FGF13: variants seen among roughly 807,000 people sequenced by gnomAD.
FGF13 encodes the protein fibroblast growth factor 13.
FGF13 carries 2 observed loss-of-function variants against 19.5 expected under a neutral mutation model. The ratio of observed to expected loss-of-function variants is 0.10; its 90% CI spans 0.04 to 0.32. The LOEUF (loss-of-function observed/expected upper bound fraction) is 0.32. FGF13 is among the 10% of genes least tolerant of loss of function. The pLI, the probability that FGF13 is intolerant of heterozygous loss-of-function variation, is 1.00. For synonymous variants in FGF13, 72 were observed against 76.9 expected (o/e 0.94, Z 0.33); for missense variants, 113 against 192.7 (o/e 0.59, Z 2.45).
chrX:139,063,605 A>G (rs1487504766), intron 1 of FGF13, among the ~76,000 whole-genome samples: 1 of 111,500 alleles, frequency 9.0e-6, no homozygotes, highest in African/African-American at 3.3e-5. Context: ...CGAAATTTAT[A>G]GAGTGTTTTA....
rs760864896 is a variant in FGF13 at position 139,141,964 on chromosome X, C to T, written c.-113+61452G>A. 2.7e-5 allele frequency among the ~76,000 whole-genome samples: 3 copies of T among 111,680 alleles called. No homozygotes were observed. The East Asian group carries it at 8.5e-4, about 32-fold the overall frequency. On this transcript the variant is annotated intron_variant, in intron 1 of 2. Coordinates refer to the FGF13 transcript ENST00000421460. ...GGTTTTGTGTGCCCTAGGACCCACA[C>T]ACTGATTAGCCTAAGAAGCCGAAAA...
intron 1 of FGF13, among the ~76,000 whole-genome samples, chrX:139,151,154 T>G: frequency 9.0e-6 from 1 of 111,448 alleles, no homozygotes. Flanking sequence ...GAGCTCAACC[T>G]TACCCAACAA....
At chrX:138,663,054 G>C (rs1420611311) in intron 3 of FGF13, among the ~76,000 whole-genome samples, 5 of 111,136 alleles carry the variant, frequency 4.5e-5, no homozygotes, top group African/African-American at 1.6e-4. Context: ...TGGACTAATG[G>C]AAAGAAAGAA....
Position 138,738,432 on chromosome X carries a change from A to C in FGF13, c.28+810T>G, listed in dbSNP as rs2090296090. Among the ~76,000 whole-genome samples the C allele has an allele frequency of 2.7e-5, 3 of 111,971 alleles. No homozygotes were observed. The Admixed American group carries it at 2.8e-4, about 11-fold the overall frequency. ...AGATTGGCAAAACCATTTTTTTATT[A>C]GTTACATGTAAAAACTTCCCATTAA... On this transcript the variant is annotated intron_variant, in intron 1 of 4. Transcript: ENST00000305414.
At chrX:138,846,932 G>T (rs939973669) in intron 3 of FGF13, among the ~76,000 whole-genome samples, 2 of 111,522 alleles carry the variant, frequency 1.8e-5, no homozygotes, top group African/African-American at 6.5e-5. Flanking sequence ...TTTGAGTGCT[G>T]CACTCTACCT....
chrX:138,692,021 G>A (rs1270721930), intron 3 of FGF13, among the ~76,000 whole-genome samples: 2 of 111,539 alleles, frequency 1.8e-5, no homozygotes, highest in Non-Finnish European at 3.8e-5. Flanking sequence ...AAGTGGTGTA[G>A]TCACTGAAAC....
At chrX:138,741,716 T>C (rs1403789362), upstream of FGF13, among the ~76,000 whole-genome samples, 2 of 111,646 alleles carry the variant, frequency 1.8e-5, no homozygotes, top group Non-Finnish European at 3.8e-5. Context: ...TGGAAGCAAG[T>C]GTCTTGTTCT....
rs146873090 is a variant in FGF13, at chrX:139,006,813, C to A, written c.-112-142163G>T. Among the ~76,000 whole-genome samples the A allele has an allele frequency of 9.4e-3, 1,044 of 111,117 alleles. 10 individuals carry two copies. The highest frequency in any genetic ancestry group is 0.032 in the African/African-American group (970 of 30,619). ...GGTTAAAGACAGTATTGACAAGCCG[C>A]ATGGTAACCCCAAATCAAAAAACAT... On this transcript the variant is annotated intron_variant, in intron 1 of 2. Transcript: ENST00000421460.
chrX:138,685,550 C>T (rs2089773206), intron 3 of FGF13, among the ~76,000 whole-genome samples: 1 of 111,299 alleles, frequency 9.0e-6, no homozygotes, highest in African/African-American at 3.3e-5. Context: ...ATATTTAATT[C>T]AACAGTTCAA....
In FGF13 at chrX:139,181,668, TC is replaced by T. The variant is rs1469740503; in HGVS notation, c.-113+21747del. 2.7e-5 allele frequency among the ~76,000 whole-genome samples: 3 copies of T among 112,271 alleles called. No homozygotes were observed. The Admixed American group carries it at 2.8e-4, about 11-fold the overall frequency. On this transcript the variant is annotated intron_variant, in intron 1 of 2. Coordinates refer to the FGF13 transcript ENST00000421460. Reference sequence around the variant, plus strand: ...TGACACTATGCTTGAATTACACTAGTCCCTGCCTTCAAGGAGCCCACAGCCT... The same window carrying T: ...TGACACTATGCTTGAATTACACTAGTCCTGCCTTCAAGGAGCCCACAGCCT...
intron 1 of FGF13, among the ~76,000 whole-genome samples, chrX:139,045,186 A>G (rs2092283095): frequency 8.9e-6 from 1 of 112,343 alleles, no homozygotes; most frequent in African/African-American, 3.2e-5. Flanking sequence ...CCAAAGTGGT[A>G]CCTCAAACTG....
At chrX:138,795,730 C>A (rs924434059) in intron 3 of FGF13, among the ~76,000 whole-genome samples, 3 of 111,621 alleles carry the variant, frequency 2.7e-5, no homozygotes, top group African/African-American at 9.8e-5. Flanking sequence ...ATACTAAGAC[C>A]CAGCTATAAA....
chrX:138,746,311 T>G (rs373991136), intron 3 of FGF13, among the ~76,000 whole-genome samples: 46 of 110,611 alleles, frequency 4.2e-4, no homozygotes, highest in Admixed American at 8.6e-4. Flanking sequence ...TAGGGAGCTC[T>G]CTTAAGAGAC....
chrX:138,853,980 A>T (rs925652034), downstream of FGF13, among the ~76,000 whole-genome samples: 2 of 112,033 alleles, frequency 1.8e-5, no homozygotes, highest in African/African-American at 6.5e-5. Context: ...ACTCTAAATT[A>T]GTGATTTCAT....
intron 3 of FGF13, among the ~76,000 whole-genome samples, chrX:138,808,113 T>A (rs186784522): frequency 1.7e-3 from 192 of 111,710 alleles, no homozygotes; most frequent in African/African-American, 6.2e-3. Flanking sequence ...TACGGAACTC[T>A]CCACCCCAAA....
At chrX:138,858,372 C>G (rs2091270098) in intron 2 of FGF13, among the ~76,000 whole-genome samples, 1 of 111,924 alleles carries the variant, frequency 8.9e-6, no homozygotes, top group African/African-American at 3.2e-5. Flanking sequence ...CCACATTTTT[C>G]TTTCTAGGCT....
chrX:138,786,773 A>C (rs2090696282), intron 3 of FGF13, among the ~76,000 whole-genome samples: 1 of 112,224 alleles, frequency 8.9e-6, no homozygotes, highest in Admixed American at 9.4e-5. Flanking sequence ...ATGCTGGGCA[A>C]GGCACATAAC....
At position 138,906,051 on chromosome X, in the gene FGF13, A is replaced by G. The variant is rs568451641; in HGVS notation, c.-112-41401T>C. ...AAAGAGTTTTACAGGGCCAGGTAAGAATCATGGAAGGAAATTCCAAAAAAC... is the reference window on the plus strand; with the variant it reads ...AAAGAGTTTTACAGGGCCAGGTAAGGATCATGGAAGGAAATTCCAAAAAAC... On this transcript the variant is annotated intron_variant, in intron 1 of 2. Coordinates refer to the FGF13 transcript ENST00000421460. 1.4e-4 allele frequency among the ~76,000 whole-genome samples: 16 copies of G among 111,515 alleles called. No homozygotes were observed. In the South Asian group the frequency reaches 6.2e-3, roughly 43 times the overall value.
chrX:139,015,930 AC>A (rs1181317518), intron 1 of FGF13, among the ~76,000 whole-genome samples: 2 of 111,634 alleles, frequency 1.8e-5, no homozygotes, highest in Non-Finnish European at 3.8e-5. Context: ...CTCATTTTTG[AC>A]CAAAGTATCA....
Sources: gnomAD v4.1 joint callset for allele counts (sites outside exome capture counted in the v4.1 genomes callset) on GRCh38, gnomAD v4.1.1 for gene constraint, MANE v1.5 for transcripts, NCBI Gene and HGNC (gene_info 2026-07-23, HGNC 2026-07-21) for gene names.